NEB: variants seen among roughly 807,000 people sequenced by gnomAD.
The protein encoded by NEB is nemaline myopathy type 2.
Under a neutral mutation model 952.2 loss-of-function variants are expected in NEB, and 512 were observed. The observed-to-expected ratio is 0.54, with a 90% confidence interval of 0.50 to 0.58. The LOEUF (loss-of-function observed/expected upper bound fraction) is 0.58, where lower values mean the gene tolerates loss of function less well. Ranked by LOEUF, NEB falls within the 20% of genes least tolerant of loss-of-function variation. The pLI, the probability that NEB is intolerant of heterozygous loss-of-function variation, is 0.00. For missense variants in NEB, 8,428 were observed against 9,231.1 expected (o/e 0.91, Z 3.56); for synonymous variants, 2,900 against 3,149.8 (o/e 0.92, Z 2.66).
intron 10 of NEB, among the ~76,000 whole-genome samples, chr2:151,714,515 G>C (rs2099753911): frequency 6.6e-6 from 1 of 152,104 alleles, no homozygotes; most frequent in Non-Finnish European, 1.5e-5. Flanking sequence ...TGGGGAGCTG[G>C]AGCTTCATTC....
At chr2:151,545,226 T>C (rs1353747358) in intron 135 of NEB, among the ~76,000 whole-genome samples, 1 of 152,070 alleles carries the variant, frequency 6.6e-6, no homozygotes. Context: ...TAGCAGGAAT[T>C]AAAGAGAAAG....
intron 173 of NEB, among the ~76,000 whole-genome samples, chr2:151,495,951 A>G: frequency 6.6e-6 from 1 of 152,152 alleles, no homozygotes; most frequent in East Asian, 1.9e-4. Flanking sequence ...ACCACCCCAC[A>G]CGTACCCGTC....
At position 151,564,833 on chromosome 2, in the gene NEB, G is replaced by A. The variant is rs1209649876; in HGVS notation, c.18471+211C>T. On this transcript the variant is annotated intron_variant, in intron 117 of 181. Transcript: ENST00000397345. Reference sequence around the variant, plus strand: ...CCCCTCATTGCCTCCTAAAGAGCCCGGCACATCACGGGAGCTCAAAAGCAC... The same window carrying A: ...CCCCTCATTGCCTCCTAAAGAGCCCAGCACATCACGGGAGCTCAAAAGCAC... 4.6e-5 allele frequency among the ~76,000 whole-genome samples: 7 copies of A among 152,096 alleles called. No homozygotes were observed. In the South Asian group the frequency reaches 8.3e-4, roughly 18 times the overall value.
rs1384405527 is a variant in NEB, at chr2:151,655,903, G to C, written c.6616C>G (p.Gln2206Glu). 5 of 1,613,780 alleles carry C rather than the reference G, an allele frequency of 3.1e-6. No homozygotes were observed. The highest frequency in any genetic ancestry group is 4.2e-6 in the Non-Finnish European group (5 of 1,179,812). Residue 2206 changes from glutamine (Q) to glutamate (E), a missense_variant, in exon 50 of 182, where the codon CAG becomes GAG. Gln to Glu is a conservative substitution (Grantham distance 29, BLOSUM62 2). This residue lies in a region of NEB where 2,851 missense variants were observed against 2,791.5 expected (regional missense o/e 1.02). Coordinates refer to ENST00000397345, the MANE Select transcript of NEB (RefSeq NM_001164508.2). The part of the protein sequence containing the change: ...TEYASDQKYR[Q>E]HPSNFQFKKL... Reference sequence around the variant, plus strand: ...TTAAACTGGAAGTTGCTCGGGTGCTGGCGGTATTTCTGATCACTGGCATAT... The same window carrying C: ...TTAAACTGGAAGTTGCTCGGGTGCTCGCGGTATTTCTGATCACTGGCATAT...
rs186773334 is a variant in NEB, at chr2:151,688,146, A to G, written c.2415+146T>C. ...CTGATAGATAAGTAGGAGTCTTAAG[A>G]GCATTTTGGCCTTAAAAGCTCCACT... On this transcript the variant is annotated intron_variant, in intron 25 of 181. Transcript: ENST00000397345. 4.0e-4 allele frequency: 258 copies of G among 640,680 alleles called. 2 individuals carry two copies. The highest frequency in any genetic ancestry group is 3.8e-3 in the African/African-American group (206 of 54,550). 39.7% of individuals were successfully genotyped at this position (640,680 alleles called of 1,614,324 possible). A position where few individuals can be genotyped will look rare whatever the true frequency, so the allele number is the denominator to read the frequency against.
chr2:151,515,415 G>A (rs2077161723), intron 157 of NEB, among the ~76,000 whole-genome samples: 1 of 152,152 alleles, frequency 6.6e-6, no homozygotes, highest in African/African-American at 2.4e-5. Context: ...GTCTTGCTAT[G>A]ATGCCCAGGC....
chr2:151,698,744 T>G (rs1462249092), intron 13 of NEB, among the ~76,000 whole-genome samples: 1 of 151,546 alleles, frequency 6.6e-6, no homozygotes, highest in Non-Finnish European at 1.5e-5. Flanking sequence ...TTCATGCCAT[T>G]CTCCTGCCTC....
chr2:151,626,818 A>G (rs2098535922), intron 70 of NEB, among the ~76,000 whole-genome samples, 184 bp downstream of exon 70: 1 of 152,214 alleles, frequency 6.6e-6, no homozygotes, highest in Non-Finnish European at 1.5e-5. Flanking sequence ...TGGCTATTTC[A>G]CAAGAGATGT....
At chr2:151,631,677 C>T (rs1035575908) in intron 65 of NEB, among the ~76,000 whole-genome samples, 2 of 152,102 alleles carry the variant, frequency 1.3e-5, no homozygotes, top group African/African-American at 4.8e-5. Context: ...ACACCCGTGC[C>T]CAACATCAGG....
intron 148 of NEB, 36 bp downstream of exon 148, chr2:151,526,882 T>G: frequency 2.1e-6 from 3 of 1,395,618 alleles, no homozygotes; most frequent in Non-Finnish European, 3.0e-6. Flanking sequence ...TGGCCCTGAG[T>G]GAGGTTAGGC....
intron 129 of NEB, 59 bp from the exon 130 acceptor site, chr2:151,549,799 C>T: frequency 2.1e-6 from 2 of 966,208 alleles, no homozygotes; most frequent in Non-Finnish European, 3.2e-6. Flanking sequence ...CTGATCTGAG[C>T]TTAACAAATC....
rs2150733016 is a variant in NEB at position 151,724,359 on chromosome 2, T to C, written c.513A>G (p.Leu171=). Residue 171 remains leucine, a synonymous_variant, in exon 8 of 182, where the codon TTA becomes TTG. Transcript: ENST00000397345. ...TGGTGTCTTCCCAGTTCTGCTTGTA[T>C]AAAACCTAGACAGAAGGAGCAGAGG... ...KKVSQQVSKV[L]YKQNWEDTKD... 6.2e-7 allele frequency: 1 copy of C among 1,609,218 alleles called. No individual in the cohort carries two copies. The highest frequency in any genetic ancestry group is 2.2e-5 in the East Asian group (1 of 44,814).
chr2:151,629,156 C>T (rs964691755), intron 68 of NEB, among the ~76,000 whole-genome samples: 2 of 152,118 alleles, frequency 1.3e-5, no homozygotes, highest in Admixed American at 1.3e-4. Flanking sequence ...AGCTCTTCTT[C>T]TGATATTGAA....
chr2:151,645,290 T>C (rs911643367), intron 55 of NEB, among the ~76,000 whole-genome samples: 1 of 152,218 alleles, frequency 6.6e-6, no homozygotes, highest in African/African-American at 2.4e-5. Context: ...AAATCATGCC[T>C]AAGGGGTTAT....
chr2:151,501,391 C>T lies in NEB; in HGVS notation c.24021G>A (p.Ser8007=), dbSNP rs557688789. The change falls in exon 168 of 182, where the codon TCG becomes TCA. Residue 8007 remains serine (S), a splice_region_variant and synonymous_variant. Transcript: ENST00000397345. ...AGTTAAAGAGCTTTCTCCCAAATAC[C>T]GAGCTAAAGTTTTCTTGATTGAGTT... ...RVKLNQENFS[S]VLYKENVGKG... The T allele has an allele frequency of 5.8e-6, 9 of 1,541,718 alleles. No homozygotes were observed. In the Admixed American group the frequency reaches 5.9e-5, roughly 10 times the overall value.
intron 167 of NEB, 150 bp from the exon 168 acceptor site, chr2:151,501,633 A>T (rs1459878002): frequency 2.1e-6 from 1 of 469,024 alleles, no homozygotes; most frequent in African/African-American, 2.0e-5. Context: ...TTAACTATAG[A>T]TCCCCTTTGG....
chr2:151,685,628 C>G (rs1576310667), intron 27 of NEB, among the ~76,000 whole-genome samples: 1 of 152,170 alleles, frequency 6.6e-6, no homozygotes, highest in African/African-American at 2.4e-5. Flanking sequence ...AACGTTGGCC[C>G]TTCCGTACAG....
intron 172 of NEB, 50 bp downstream of exon 172, chr2:151,496,891 A>G (rs2060574858): frequency 6.8e-7 from 1 of 1,472,350 alleles, no homozygotes; most frequent in Non-Finnish European, 9.3e-7. Flanking sequence ...TAAATCATGA[A>G]ATAGTTTTTA....
rs1212429165 is a variant in NEB, at chr2:151,627,809, T to C, written c.9857A>G (p.Lys3286Arg). ...SDYKYKDGYR[K>R]QLGHHIGARN... The stretch of plus-strand genomic sequence containing the variant: ...GGCTCCAATGTGGTGGCCGAGCTGC[T>C]TGCGGTAACCATCTTTGTATTTGTA... The change falls in exon 69 of 182, where the codon AAG becomes AGG. Residue 3286 changes from lysine to arginine, a missense_variant. Physicochemically the swap from Lys to Arg is conservative, Grantham distance 26. Around this residue, in one of 11 missense-constraint regions of NEB, gnomAD observed 1,772 missense variants for 1,960.3 expected, o/e 0.90. Transcript: ENST00000397345. 1.2e-6 allele frequency: 2 copies of C among 1,613,810 alleles called. No individual in the cohort carries two copies. Among genetic ancestry groups the C allele is most frequent in the Non-Finnish European group, 1.7e-6 (2 of 1,179,818 alleles).
Sources: allele counts gnomAD v4.1 joint callset (sites outside exome capture counted in the v4.1 genomes callset), GRCh38; gene constraint gnomAD v4.1.1; regional missense constraint gnomAD v4.1.1; transcripts MANE v1.5; gene names NCBI Gene and HGNC (gene_info 2026-07-23, HGNC 2026-07-21).